AFF2: variants seen among roughly 807,000 people sequenced by gnomAD.
AFF2 encodes the protein ALF transcription elongation factor 2, also known as AF4/FMR2 family member 2.
AFF2 carries 14 observed loss-of-function variants against 76.9 expected under a neutral mutation model. That is an observed-to-expected ratio of 0.18 (90% CI 0.12 to 0.28). The LOEUF is 0.28. Among genes scored for constraint, AFF2 ranks in the 10% least tolerant of loss-of-function variants. The probability of loss-of-function intolerance (pLI) is 1.00; values close to 1 mark genes in which losing one functional copy is unlikely to be tolerated. For missense variants in AFF2, 868 were observed against 1,001.1 expected, an observed-to-expected ratio of 0.87 and a Z score of 1.79; for synonymous variants, 398 against 366.7, an observed-to-expected ratio of 1.09 and a Z score of -0.98.
chrX:148,555,149 C>T (rs1246736272), intron 1 of AFF2, among the ~76,000 whole-genome samples: 3 of 112,032 alleles, frequency 2.7e-5, no homozygotes, highest in African/African-American at 9.7e-5. Context: ...TCCCAAGGTT[C>T]ATTTTCTCCA....
chrX:148,749,281 T>A (rs1276883815), intron 3 of AFF2, among the ~76,000 whole-genome samples: 1 of 109,068 alleles, frequency 9.2e-6, no homozygotes, highest in Non-Finnish European at 1.9e-5. Context: ...TTTTTTTTTT[T>A]TAAGTTTAGA....
chrX:148,877,164 A>G (rs1169468886), intron 7 of AFF2, among the ~76,000 whole-genome samples: 1 of 111,571 alleles, frequency 9.0e-6, no homozygotes, highest in African/African-American at 3.3e-5. Context: ...ATTTTATTTC[A>G]AGCCTAGTTT....
At chrX:148,846,203 C>A (rs1198390817) in intron 7 of AFF2, among the ~76,000 whole-genome samples, 3 of 111,669 alleles carry the variant, frequency 2.7e-5, no homozygotes, top group Non-Finnish European at 5.6e-5. Flanking sequence ...TTATCAGTGT[C>A]CATTCATGCC....
intron 3 of AFF2, among the ~76,000 whole-genome samples, chrX:148,690,448 A>G (rs1310241715): frequency 8.9e-6 from 1 of 111,981 alleles, no homozygotes; most frequent in East Asian, 2.8e-4. Flanking sequence ...TCATTTAGAC[A>G]TTTAGGGAAA....
rs782477124 is a variant in AFF2 at position 148,745,882 on chromosome X, A to G, written c.1042-63994A>G. Among the ~76,000 whole-genome samples, 9 of 110,811 alleles carry G rather than the reference A, an allele frequency of 8.1e-5. No individual in the cohort carries two copies. In the East Asian group the frequency reaches 1.7e-3, roughly 21 times the overall value. ...CTCAGCCTCCCGAGTAGCTGGGACTACAGGTGCCTGCCACCACGCCCGGCT... is the reference window on the plus strand; with the variant it reads ...CTCAGCCTCCCGAGTAGCTGGGACTGCAGGTGCCTGCCACCACGCCCGGCT... On this transcript the variant is annotated intron_variant, in intron 3 of 20. Coordinates refer to ENST00000370460, the MANE Select transcript of AFF2 (RefSeq NM_002025.4).
intron 2 of AFF2, among the ~76,000 whole-genome samples, chrX:148,660,396 C>T (rs894818526): frequency 9.0e-6 from 1 of 111,306 alleles, no homozygotes; most frequent in Non-Finnish European, 1.9e-5. Context: ...TTTTCTTTCC[C>T]CAGACGACTT....
intron 1 of AFF2, among the ~76,000 whole-genome samples, chrX:148,510,778 T>C (rs1336748674): frequency 8.9e-6 from 1 of 112,165 alleles, no homozygotes; most frequent in Non-Finnish European, 1.9e-5. Context: ...TATTCACTGC[T>C]GACACTGCAA....
intron 16 of AFF2, among the ~76,000 whole-genome samples, chrX:148,977,367 G>A (rs1312942836): frequency 1.0e-4 from 11 of 108,176 alleles, no homozygotes; most frequent in Non-Finnish European, 1.5e-4. Context: ...CTGTGAAATC[G>A]ACCTTCCTTT....
chrX:148,623,316 G>GT (rs1557251498), intron 1 of AFF2, among the ~76,000 whole-genome samples: 1 of 110,555 alleles, frequency 9.0e-6, no homozygotes, highest in Non-Finnish European at 1.9e-5. Flanking sequence ...GCAAACATTT[G>GT]TTTTTTCTAA....
In AFF2 at chrX:148,526,533, A is replaced by T. The variant is rs372693211; in HGVS notation, c.47+25389A>T. 2.7e-5 allele frequency among the ~76,000 whole-genome samples: 3 copies of T among 110,307 alleles called. No homozygotes were observed. In the East Asian group the frequency reaches 8.5e-4, roughly 31 times the overall value. ...CTTTCTCTGCTTCAGCCCTGGATTCATCTCTCTTAGAAGCCTAATTTCCTT... is the reference window on the plus strand; with the variant it reads ...CTTTCTCTGCTTCAGCCCTGGATTCTTCTCTCTTAGAAGCCTAATTTCCTT... On this transcript the variant is annotated intron_variant, in intron 1 of 20. Coordinates refer to ENST00000370460, the MANE Select transcript of AFF2 (RefSeq NM_002025.4).
chrX:148,561,028 A>G (rs1476319109), intron 1 of AFF2, among the ~76,000 whole-genome samples: 1 of 111,619 alleles, frequency 9.0e-6, no homozygotes, highest in Non-Finnish European at 1.9e-5. Flanking sequence ...TATTTGAAGT[A>G]TTTGCGTTTT....
chrX:148,976,069 A>G (rs1778634175), intron 16 of AFF2, among the ~76,000 whole-genome samples: 1 of 110,761 alleles, frequency 9.0e-6, no homozygotes, highest in Non-Finnish European at 1.9e-5. Context: ...GGAAAAAAAC[A>G]TGATTTATGT....
At chrX:148,971,747 C>CTTTTTTTTTTTTTTTTTTTTATTTT (rs2072257643) in intron 15 of AFF2, among the ~76,000 whole-genome samples, 3 of 44,729 alleles carry the variant, frequency 6.7e-5, no homozygotes, top group African/African-American at 2.8e-4. Flanking sequence ...TTTTCTATTT[C>CTTTTTTTTTTTTTTTTTTTTATTTT]TTTTTTTTTT....
chrX:148,726,487 G>A (rs1006812408), intron 3 of AFF2, among the ~76,000 whole-genome samples: 1 of 111,972 alleles, frequency 8.9e-6, no homozygotes, highest in Non-Finnish European at 1.9e-5. Context: ...GCCTTTCTAA[G>A]GAGAGCAGTC....
intron 3 of AFF2, among the ~76,000 whole-genome samples, chrX:148,746,063 GA>G (rs1202912874): frequency 1.8e-5 from 2 of 111,382 alleles, no homozygotes; most frequent in Non-Finnish European, 3.8e-5. Context: ...TATTGAAAGG[GA>G]AAAACGCCTG....
At chrX:148,725,452 G>GA (rs2055145070) in intron 3 of AFF2, among the ~76,000 whole-genome samples, 1 of 111,110 alleles carries the variant, frequency 9.0e-6, no homozygotes, top group Non-Finnish European at 1.9e-5. Flanking sequence ...TGCCCTCTGA[G>GA]AAAATCCCAA....
chrX:148,950,938 G>T (rs2071958424), intron 9 of AFF2, among the ~76,000 whole-genome samples: 1 of 111,178 alleles, frequency 9.0e-6, no homozygotes, highest in African/African-American at 3.3e-5. Context: ...GACCTAAACT[G>T]TTGTAAAGAT....
chrX:148,821,199 G>C (rs782020731), intron 4 of AFF2, among the ~76,000 whole-genome samples: 5 of 111,615 alleles, frequency 4.5e-5, no homozygotes, highest in Non-Finnish European at 9.4e-5. Flanking sequence ...ACAAAAGTGA[G>C]ATAATATGCC....
At chrX:148,657,501 A>G (rs952754925) in intron 2 of AFF2, among the ~76,000 whole-genome samples, 1 of 112,394 alleles carries the variant, frequency 8.9e-6, no homozygotes, top group Non-Finnish European at 1.9e-5. Context: ...CTTGCATGCA[A>G]TGAAATTATA....
Sources: gnomAD v4.1 joint callset for allele counts (sites outside exome capture counted in the v4.1 genomes callset) on GRCh38, gnomAD v4.1.1 for gene constraint, MANE v1.5 for transcripts, NCBI Gene and HGNC (gene_info 2026-07-23, HGNC 2026-07-21) for gene names.